RSRC1: variants seen among roughly 807,000 people sequenced by gnomAD.
The protein encoded by RSRC1 is arginine and serine rich coiled-coil 1, also known as serine/Arginine-related protein 53.
A neutral mutation model predicts 49.1 loss-of-function variants in RSRC1; 39 were observed. The observed-to-expected ratio is 0.79, with a 90% CI of 0.61 to 1.04. RSRC1 has a LOEUF of 1.04. Ranked by LOEUF, RSRC1 falls within the 50% of genes least tolerant of loss-of-function variation. The pLI is 0.00. For synonymous variants in RSRC1, 143 were observed against 130.8 expected, an observed-to-expected ratio of 1.09 and a Z score of -0.63; for missense variants, 388 against 402.4, an observed-to-expected ratio of 0.96 and a Z score of 0.31.
chr3:158,184,405 A>G lies in RSRC1; in HGVS notation c.321-18667A>G, dbSNP rs544418094. On this transcript the variant is annotated intron_variant, in intron 3 of 9. Coordinates refer to ENST00000611884, the MANE Select transcript of RSRC1 (RefSeq NM_001271838.2). The stretch of plus-strand genomic sequence containing the variant: ...TGTCCCTGAGCATATAACACAGTGC[A>G]GTACAATACACAATAATACAGGGTG... Among the ~76,000 whole-genome samples, 4 of 152,298 alleles carry G rather than the reference A, an allele frequency of 2.6e-5. No individual in the cohort carries two copies. In the South Asian group the frequency reaches 6.2e-4, roughly 24 times the overall value.
chr3:158,373,868 A>G (rs374100660), intron 6 of RSRC1, among the ~76,000 whole-genome samples: 2 of 152,076 alleles, frequency 1.3e-5, no homozygotes, highest in Non-Finnish European at 2.9e-5. Context: ...TGGAGTTAAC[A>G]TTCTAAAGTA....
At chr3:158,447,611 T>C (rs1045769827) in intron 6 of RSRC1, among the ~76,000 whole-genome samples, 1 of 151,954 alleles carries the variant, frequency 6.6e-6, no homozygotes, top group Non-Finnish European at 1.5e-5. Context: ...AGCAAATTAT[T>C]AAGCCTCTCT....
chr3:158,282,438 C>T lies in RSRC1; in HGVS notation c.495-15601C>T, dbSNP rs1252338973. 2.6e-5 allele frequency among the ~76,000 whole-genome samples: 4 copies of T among 152,206 alleles called. No homozygotes were observed. The East Asian group carries it at 7.7e-4, about 29-fold the overall frequency. ...CTACTAACTGCTCAGCACTGTATCT[C>T]ACAGTGGCTTTGTTTTTTCTGATGT... On this transcript the variant is annotated intron_variant, in intron 4 of 9. Transcript: ENST00000611884.
intron 4 of RSRC1, among the ~76,000 whole-genome samples, chr3:158,236,954 T>C (rs1217622946): frequency 6.6e-6 from 1 of 152,166 alleles, no homozygotes; most frequent in Non-Finnish European, 1.5e-5. Context: ...GTCTTAGAAT[T>C]GCAGCAGGTT....
At chr3:158,197,464 AT>A (rs979945144) in intron 3 of RSRC1, among the ~76,000 whole-genome samples, 8 of 151,876 alleles carry the variant, frequency 5.3e-5, no homozygotes, top group African/African-American at 1.9e-4. Flanking sequence ...TCCTGATTTC[AT>A]TGATTTTTTG....
intron 4 of RSRC1, among the ~76,000 whole-genome samples, chr3:158,237,732 A>G (rs1368270376): frequency 1.3e-5 from 2 of 152,206 alleles, no homozygotes; most frequent in Non-Finnish European, 2.9e-5. Context: ...TTCTAAATAT[A>G]CAGTCATGTC....
At chr3:158,234,815 TG>T in intron 4 of RSRC1, among the ~76,000 whole-genome samples, 1 of 152,194 alleles carries the variant, frequency 6.6e-6, no homozygotes, top group Non-Finnish European at 1.5e-5. Context: ...CTTTCTTAAA[TG>T]TCCTAGTTAG....
rs534656860 is a variant in RSRC1, at chr3:158,418,903, A to C, written c.584-42032A>C. The stretch of plus-strand genomic sequence containing the variant: ...CATTTGGTTAAAAAATTGAGATTAA[A>C]TAAAGCATTGAGTGATACTTTTCTG... On this transcript the variant is annotated intron_variant, in intron 6 of 9. Transcript: ENST00000611884. Among the ~76,000 whole-genome samples, 7 of 152,122 alleles carry C rather than the reference A, an allele frequency of 4.6e-5. No homozygotes were observed. In the South Asian group the frequency reaches 1.2e-3, roughly 27 times the overall value.
At chr3:158,498,613 C>T (rs192594473) in intron 7 of RSRC1, among the ~76,000 whole-genome samples, 2 of 152,076 alleles carry the variant, frequency 1.3e-5, no homozygotes, top group South Asian at 4.2e-4. Context: ...ATTGCATTTG[C>T]TTTTGGGTTC....
At chr3:158,183,335 T>C (rs1336482570) in intron 3 of RSRC1, among the ~76,000 whole-genome samples, 1 of 152,160 alleles carries the variant, frequency 6.6e-6, no homozygotes, top group East Asian at 1.9e-4. Flanking sequence ...TTTAAAGTTT[T>C]TTTAAAATAA....
At chr3:158,203,304 C>T in intron 4 of RSRC1, 59 bp downstream of exon 4, 1 of 1,494,024 alleles carries the variant, frequency 6.7e-7, no homozygotes, top group Non-Finnish European at 9.0e-7. Context: ...GATGTTCAAA[C>T]TAAATTTTTG....
intron 6 of RSRC1, among the ~76,000 whole-genome samples, chr3:158,450,552 AGAACTTAACG>A (rs1410686299): frequency 2.6e-5 from 4 of 151,980 alleles, no homozygotes. Context: ...GTGAGGAATA[AGAACTTAACG>A]GATTTCACTT....
chr3:158,191,741 A>G (rs1341820132), intron 3 of RSRC1, among the ~76,000 whole-genome samples: 1 of 152,050 alleles, frequency 6.6e-6, no homozygotes. Flanking sequence ...TATTTAAGGA[A>G]TGAGGGACAA....
intron 7 of RSRC1, among the ~76,000 whole-genome samples, chr3:158,508,501 CTCTT>C (rs1413808734): frequency 6.6e-6 from 1 of 151,214 alleles, no homozygotes; most frequent in African/African-American, 2.4e-5. Flanking sequence ...TTGTTTTTCT[CTCTT>C]TTTTTTTTTA....
At chr3:158,287,520 C>G (rs566040160) in intron 4 of RSRC1, among the ~76,000 whole-genome samples, 36 of 151,932 alleles carry the variant, frequency 2.4e-4, no homozygotes, top group African/African-American at 8.0e-4. Flanking sequence ...TTCTTATACC[C>G]CAGTTTTATT....
intron 4 of RSRC1, among the ~76,000 whole-genome samples, chr3:158,214,043 T>C (rs1721825209): frequency 1.2e-5 from 1 of 85,634 alleles, no homozygotes; most frequent in Non-Finnish European, 2.5e-5. Flanking sequence ...AATACAACAA[T>C]AAAAAATTAT....
At chr3:158,517,923 A>T (rs943445374) in intron 7 of RSRC1, among the ~76,000 whole-genome samples, 2 of 148,930 alleles carry the variant, frequency 1.3e-5, no homozygotes, top group South Asian at 2.1e-4. Context: ...TTTTAGTTTA[A>T]TTTTTCTCTT....
chr3:158,231,373 C>T (rs1338066330), intron 4 of RSRC1, among the ~76,000 whole-genome samples: 2 of 151,782 alleles, frequency 1.3e-5, no homozygotes, highest in East Asian at 1.9e-4. Context: ...TGCACTCAAG[C>T]GATCATCCCA....
chr3:158,242,949 G>A (rs894456238), intron 4 of RSRC1, among the ~76,000 whole-genome samples: 1 of 151,306 alleles, frequency 6.6e-6, no homozygotes, highest in African/African-American at 2.4e-5. Flanking sequence ...CCGGATATTA[G>A]ACCCTTGTCA....
Sources: allele counts gnomAD v4.1 joint callset (sites outside exome capture counted in the v4.1 genomes callset), GRCh38; gene constraint gnomAD v4.1.1; transcripts MANE v1.5; gene names NCBI Gene and HGNC (gene_info 2026-07-23, HGNC 2026-07-21).